Variants in IGF2BP2 observed in about 807,000 individuals in gnomAD.
IGF2BP2 encodes insulin-like growth factor 2 mRNA-binding protein 2.
A neutral mutation model predicts 75.8 loss-of-function variants in IGF2BP2; 17 were observed. The observed-to-expected ratio is 0.22, with a 90% CI of 0.15 to 0.34. The LOEUF (loss-of-function observed/expected upper bound fraction) is 0.34. Ranked by LOEUF, IGF2BP2 falls within the 10% of genes least tolerant of loss-of-function variation. IGF2BP2 has a pLI of 1.00. For synonymous variants in IGF2BP2, 288 were observed against 295.6 expected, an observed-to-expected ratio of 0.97 and a Z score of 0.26; for missense variants, 516 against 772.4, an observed-to-expected ratio of 0.67 and a Z score of 3.93.
intron 2 of IGF2BP2, among the ~76,000 whole-genome samples, chr3:185,741,731 A>G (rs186036955): frequency 6.6e-6 from 1 of 152,242 alleles, no homozygotes; most frequent in Non-Finnish European, 1.5e-5. Flanking sequence ...TTGATGCCCA[A>G]TGAGTACGGG....
intron 2 of IGF2BP2, chr3:185,728,758 T>C (rs1274596568): frequency 6.6e-6 from 1 of 152,228 alleles, no homozygotes; most frequent in African/African-American, 2.4e-5. Context: ...GGAGCAGGAT[T>C]CAAACGCAGG....
chr3:185,666,336 T>G (rs889963385), intron 10 of IGF2BP2, among the ~76,000 whole-genome samples: 3 of 152,184 alleles, frequency 2.0e-5, no homozygotes, highest in Non-Finnish European at 4.4e-5. Context: ...GTGTATTTAT[T>G]AAGAACACAA....
At chr3:185,703,142 A>G (rs1197745816) in intron 2 of IGF2BP2, among the ~76,000 whole-genome samples, 4 of 151,830 alleles carry the variant, frequency 2.6e-5, no homozygotes, top group African/African-American at 9.7e-5. Flanking sequence ...TATAGCACAC[A>G]TGTGTGGACT....
At chr3:185,709,293 CT>C (rs1331788095) in intron 2 of IGF2BP2, among the ~76,000 whole-genome samples, 1 of 152,220 alleles carries the variant, frequency 6.6e-6, no homozygotes, top group Non-Finnish European at 1.5e-5. Flanking sequence ...CTCTTTGGTT[CT>C]CCAAACAGCA....
intron 1 of IGF2BP2, among the ~76,000 whole-genome samples, chr3:185,823,988 A>G (rs1741702186): frequency 6.6e-6 from 1 of 152,080 alleles, no homozygotes; most frequent in Admixed American, 6.5e-5. Context: ...GCACCTCGTA[A>G]AAAGGTGCTT....
In IGF2BP2 at chr3:185,658,879, C is replaced by T. The variant is rs553036899; in HGVS notation, c.1201-470G>A. Among the ~76,000 whole-genome samples the T allele has an allele frequency of 3.3e-5, 5 of 152,098 alleles. No homozygotes were observed. The South Asian group carries it at 8.3e-4, about 25-fold the overall frequency. ...GTTATTCAGAACAAGCAAATGTGTT[C>T]CTGGGCAGATAGATCAGTCAGCTCC... On this transcript the variant is annotated intron_variant, in intron 10 of 15. Coordinates refer to ENST00000382199, the MANE Select transcript of IGF2BP2 (RefSeq NM_006548.6).
intron 2 of IGF2BP2, among the ~76,000 whole-genome samples, chr3:185,781,117 ACAACC>A (rs1315736256): frequency 2.0e-5 from 3 of 152,190 alleles, no homozygotes; most frequent in Admixed American, 6.5e-5. Context: ...CTTGCCTTGA[ACAACC>A]CAAGGAAATA....
At chr3:185,735,456 TAATC>T (rs1728738359) in intron 2 of IGF2BP2, among the ~76,000 whole-genome samples, 1 of 152,244 alleles carries the variant, frequency 6.6e-6, no homozygotes, top group African/African-American at 2.4e-5. Flanking sequence ...TTACATCCCT[TAATC>T]TATGTGCACA....
intron 2 of IGF2BP2, among the ~76,000 whole-genome samples, chr3:185,788,077 C>CT (rs1356551077): frequency 2.6e-5 from 4 of 152,190 alleles, no homozygotes; most frequent in African/African-American, 9.7e-5. Context: ...TCAAAGTACC[C>CT]TCTGTTCCTA....
At chr3:185,796,461 C>A (rs948300315) in intron 2 of IGF2BP2, among the ~76,000 whole-genome samples, 3 of 150,532 alleles carry the variant, frequency 2.0e-5, no homozygotes, top group Non-Finnish European at 3.0e-5. Flanking sequence ...TACTCAGGGG[C>A]CTGAGGTAGG....
intron 10 of IGF2BP2, among the ~76,000 whole-genome samples, chr3:185,665,462 A>AG (rs1360119397): frequency 0.056 from 6,046 of 107,656 alleles, 1,089 homozygotes; most frequent in Non-Finnish European, 0.077. Flanking sequence ...GAGGAGAAGA[A>AG]GAAGAAGAAG....
At position 185,735,231 on chromosome 3, in the gene IGF2BP2, C is replaced by T. The variant is rs146363491; in HGVS notation, c.240-36884G>A. Among the ~76,000 whole-genome samples the T allele has an allele frequency of 4.3e-3, 655 of 151,874 alleles. 5 individuals carry two copies. The highest frequency in any genetic ancestry group is 0.012 in the African/African-American group (511 of 41,382). On this transcript the variant is annotated intron_variant, in intron 2 of 15. Transcript: ENST00000382199. ...CATGAACTCAGCTCACTGCAACCTC[C>T]GCCTTCCGGGTTCAAGTGATTCTCG...
intron 2 of IGF2BP2, among the ~76,000 whole-genome samples, chr3:185,755,348 G>A (rs1269927942): frequency 6.6e-6 from 1 of 152,242 alleles, no homozygotes; most frequent in Admixed American, 6.5e-5. Flanking sequence ...TACAGGCACA[G>A]AGAGTGCAAG....
intron 2 of IGF2BP2, among the ~76,000 whole-genome samples, chr3:185,701,335 AT>A (rs568816094): frequency 1.4e-5 from 2 of 145,742 alleles, no homozygotes; most frequent in Non-Finnish European, 1.5e-5. Context: ...TACAAGACTT[AT>A]TTTTTTTAAA....
Position 185,824,978 on chromosome 3 carries a change from G to T in IGF2BP2, c.-18C>A, listed in dbSNP as rs1377642976. On this transcript the variant is annotated 5_prime_UTR_variant, in exon 1 of 16. Coordinates refer to ENST00000382199, the MANE Select transcript of IGF2BP2 (RefSeq NM_006548.6). Reference sequence around the variant, plus strand: ...TTCATCATCCGTCTCTTCCCCGAGAGCCCGCGGCTCCCCCGGCCCGGTACC... The same window carrying T: ...TTCATCATCCGTCTCTTCCCCGAGATCCCGCGGCTCCCCCGGCCCGGTACC... 8 of 1,482,548 alleles carry T rather than the reference G, an allele frequency of 5.4e-6. No individual in the cohort carries two copies. The highest frequency in any genetic ancestry group is 7.3e-6 in the Non-Finnish European group (8 of 1,100,656). 91.8% of individuals were successfully genotyped at this position (1,482,548 alleles called of 1,614,324 possible). A position where few individuals can be genotyped will look rare whatever the true frequency, so the allele number is the denominator to read the frequency against.
At chr3:185,730,503 C>T (rs1488478880) in intron 2 of IGF2BP2, among the ~76,000 whole-genome samples, 1 of 145,226 alleles carries the variant, frequency 6.9e-6, no homozygotes, top group African/African-American at 2.6e-5. Context: ...GGCACAGTCT[C>T]GGCTCACCAC....
intron 2 of IGF2BP2, among the ~76,000 whole-genome samples, chr3:185,721,177 T>C (rs1019364721): frequency 6.6e-6 from 1 of 151,902 alleles, no homozygotes; most frequent in Non-Finnish European, 1.5e-5. Context: ...GCTCATACTC[T>C]TCTTCTTCTT....
chr3:185,800,297 G>A (rs1578348800), intron 2 of IGF2BP2, among the ~76,000 whole-genome samples: 1 of 151,974 alleles, frequency 6.6e-6, no homozygotes, highest in East Asian at 1.9e-4. Flanking sequence ...GACTGGGGGA[G>A]GTATAGCATT....
Position 185,658,330 on chromosome 3 carries a change from G to C in IGF2BP2, c.1269+11C>G. On this transcript the variant is annotated intron_variant, in intron 11 of 15. Transcript: ENST00000382199. ...AAGTGGCAGGTGCGGCTGAACTGAG[G>C]GGGCACTTACAGAGTGATGATGCGG... 1 of 1,613,296 alleles carries C rather than the reference G, an allele frequency of 6.2e-7. No individual in the cohort carries two copies. Among genetic ancestry groups the C allele is most frequent in the Non-Finnish European group, 8.5e-7 (1 of 1,179,380 alleles).
Sources: gnomAD v4.1 joint callset for allele counts (sites outside exome capture counted in the v4.1 genomes callset) on GRCh38, gnomAD v4.1.1 for gene constraint, MANE v1.5 for transcripts, NCBI Gene and HGNC (gene_info 2026-07-23, HGNC 2026-07-21) for gene names.